PHLPP1: variants seen among roughly 807,000 people sequenced by gnomAD.
PHLPP1 encodes PH domain leucine-rich repeat-containing protein phosphatase 1.
Under a neutral mutation model 117.2 loss-of-function variants are expected in PHLPP1, and 42 were observed. The observed-to-expected ratio is 0.36, with a 90% CI of 0.28 to 0.46. The LOEUF is 0.46. PHLPP1 is among the 20% of genes least tolerant of loss of function. PHLPP1 has a pLI of 1.00. For missense variants in PHLPP1, 2,084 were observed against 2,241.9 expected (o/e 0.93, Z 1.42); for synonymous variants, 1,042 against 970.7 (o/e 1.07, Z -1.37).
At chr18:62,899,454 C>T (rs573419661) in intron 6 of PHLPP1, among the ~76,000 whole-genome samples, 1 of 152,196 alleles carries the variant, frequency 6.6e-6, no homozygotes. Context: ...CCATGTACAC[C>T]TGTTCCATTC....
chr18:62,735,212 T>A (rs1911338437), intron 1 of PHLPP1, among the ~76,000 whole-genome samples: 1 of 152,012 alleles, frequency 6.6e-6, no homozygotes, highest in African/African-American at 2.4e-5. Context: ...TAATTTGGCA[T>A]TTTAAATTTT....
chr18:62,900,693 C>T (rs1437569223), intron 6 of PHLPP1, among the ~76,000 whole-genome samples: 1 of 151,820 alleles, frequency 6.6e-6, no homozygotes, highest in Non-Finnish European at 1.5e-5. Context: ...TCAAACGAAC[C>T]TTCTACTTCA....
At chr18:62,866,446 T>C (rs1345524830) in intron 4 of PHLPP1, among the ~76,000 whole-genome samples, 2 of 151,976 alleles carry the variant, frequency 1.3e-5, no homozygotes, top group African/African-American at 4.8e-5. Context: ...GGTTTTGCCA[T>C]GTTGGCCAGG....
chr18:62,784,665 G>A (rs150846588), intron 1 of PHLPP1, among the ~76,000 whole-genome samples: 55 of 152,340 alleles, frequency 3.6e-4, no homozygotes, highest in African/African-American at 9.9e-4. Context: ...GCTTCAGTAC[G>A]TGTTAACGTT....
chr18:62,762,182 T>C (rs527403385), intron 1 of PHLPP1, among the ~76,000 whole-genome samples: 2 of 152,102 alleles, frequency 1.3e-5, no homozygotes, highest in South Asian at 4.1e-4. Flanking sequence ...AAGCTATGGT[T>C]TTGATGTACT....
At chr18:62,802,555 T>A (rs1429428999) in intron 1 of PHLPP1, among the ~76,000 whole-genome samples, 1 of 152,198 alleles carries the variant, frequency 6.6e-6, no homozygotes, top group Non-Finnish European at 1.5e-5. Context: ...TGCAGCTGGA[T>A]CAAAGTAACT....
At chr18:62,828,008 T>TTGTGTG (rs34088259) in intron 1 of PHLPP1, among the ~76,000 whole-genome samples, 3,869 of 146,726 alleles carry the variant, frequency 0.026, 69 homozygotes, top group Non-Finnish European at 0.04. Context: ...TTCTTTGCAT[T>TTGTGTG]TGTGTGTGTG....
intron 14 of PHLPP1, among the ~76,000 whole-genome samples, chr18:62,963,755 A>G (rs185697437): frequency 1.1e-4 from 17 of 152,340 alleles, no homozygotes; most frequent in Admixed American, 1.1e-3. Flanking sequence ...GAAAAGGCCT[A>G]AGTATTGAAA....
At chr18:62,884,276 A>G (rs1026892995) in intron 4 of PHLPP1, among the ~76,000 whole-genome samples, 1 of 152,230 alleles carries the variant, frequency 6.6e-6, no homozygotes, top group Non-Finnish European at 1.5e-5. Flanking sequence ...GTAAGGAGGA[A>G]AAGCTTTGGA....
At chr18:62,801,598 A>T (rs534996914) in intron 1 of PHLPP1, among the ~76,000 whole-genome samples, 1 of 151,776 alleles carries the variant, frequency 6.6e-6, no homozygotes, top group East Asian at 2.0e-4. Flanking sequence ...GACTACAGGC[A>T]TGCACCACCA....
intron 1 of PHLPP1, among the ~76,000 whole-genome samples, chr18:62,745,135 A>G (rs1242689330): frequency 6.6e-6 from 1 of 152,216 alleles, no homozygotes; most frequent in African/African-American, 2.4e-5. Flanking sequence ...TGTTATACTA[A>G]TGCATACTTT....
intron 1 of PHLPP1, among the ~76,000 whole-genome samples, chr18:62,765,386 TAGG>T (rs1478609680): frequency 3.3e-5 from 5 of 152,194 alleles, no homozygotes; most frequent in African/African-American, 7.2e-5. Flanking sequence ...GCTGGCATAA[TAGG>T]AGGTATGCAA....
chr18:62,845,663 A>G (rs895988368), intron 3 of PHLPP1, among the ~76,000 whole-genome samples: 8 of 152,248 alleles, frequency 5.3e-5, no homozygotes, highest in South Asian at 4.1e-4. Flanking sequence ...TCTTTTACCC[A>G]TATTTTGCCT....
At chr18:62,894,922 G>A in intron 4 of PHLPP1, 89 bp from the exon 5 acceptor site, 1 of 1,123,372 alleles carries the variant, frequency 8.9e-7, no homozygotes, top group Non-Finnish European at 1.3e-6. Context: ...TTTGGGAGTT[G>A]GGCTAGATTA....
At position 62,838,925 on chromosome 18, in the gene PHLPP1, A is replaced by ATCCAGGAATCCACTCAGCT. The variant is rs767628518; in HGVS notation, c.1899+19_1899+37dup. 5 of 1,613,312 alleles carry ATCCAGGAATCCACTCAGCT rather than the reference A, an allele frequency of 3.1e-6. No homozygotes were observed. The highest frequency in any genetic ancestry group is 1.3e-5 in the African/African-American group (1 of 74,920). On this transcript the variant is annotated intron_variant, in intron 3 of 16. Coordinates refer to ENST00000262719, the MANE Select transcript of PHLPP1 (RefSeq NM_194449.4). ...AGTCTCCAAGGTAAGCAAGCACTTA[A>ATCCAGGAATCCACTCAGCT]TCCAGGAATCCACTCAGCTTCTAGC...
chr18:62,836,810 C>G (rs1356120114), intron 2 of PHLPP1, among the ~76,000 whole-genome samples: 1 of 151,444 alleles, frequency 6.6e-6, no homozygotes, highest in Non-Finnish European at 1.5e-5. Context: ...GCCTATAATC[C>G]CAGCACTTTG....
rs192595661 is a variant in PHLPP1 at position 62,975,351 on chromosome 18, A to T, written c.3756-46A>T. 1.1e-5 allele frequency: 15 copies of T among 1,334,654 alleles called. No individual in the cohort carries two copies. In the East Asian group the frequency reaches 3.4e-4, roughly 31 times the overall value. 82.7% of individuals were successfully genotyped at this position (1,334,654 alleles called of 1,614,324 possible). ...TTGCTGTTGAATTTGCAGAACTGGC[A>T]CTGATGGGCTGTGTTTGAGTGTCAC... On this transcript the variant is annotated intron_variant, in intron 15 of 16. Coordinates refer to ENST00000262719, the MANE Select transcript of PHLPP1 (RefSeq NM_194449.4).
At chr18:62,974,351 A>G (rs1253185064) in intron 15 of PHLPP1, among the ~76,000 whole-genome samples, 4 of 152,024 alleles carry the variant, frequency 2.6e-5, no homozygotes, top group Non-Finnish European at 4.4e-5. Flanking sequence ...TCCTTAGGGG[A>G]ACTGGTCTTT....
At chr18:62,887,438 T>C (rs1599102976) in intron 4 of PHLPP1, among the ~76,000 whole-genome samples, 1 of 152,348 alleles carries the variant, frequency 6.6e-6, no homozygotes, top group East Asian at 1.9e-4. Context: ...TTAGAGTGGA[T>C]AATTTATAAA....
Sources: gnomAD v4.1 joint callset for allele counts (sites outside exome capture counted in the v4.1 genomes callset) on GRCh38, gnomAD v4.1.1 for gene constraint, MANE v1.5 for transcripts, NCBI Gene and HGNC (gene_info 2026-07-23, HGNC 2026-07-21) for gene names.